The following FBXO21 variants were observed in gnomAD, a reference collection of about 807,000 sequenced individuals.
The protein encoded by FBXO21 is F-box only protein 21.
In FBXO21, 32 loss-of-function variants were observed where a neutral mutation model predicts 76.6. The observed-to-expected ratio is 0.42, with a 90% CI of 0.32 to 0.56. FBXO21 has a LOEUF of 0.56. Ranked by LOEUF, FBXO21 falls within the 20% of genes least tolerant of loss-of-function variation. The pLI is 0.16. For missense variants in FBXO21, 586 were observed against 797.3 expected, an observed-to-expected ratio of 0.73 and a Z score of 3.19; for synonymous variants, 328 against 311.5, an observed-to-expected ratio of 1.05 and a Z score of -0.56.
intron 3 of FBXO21, among the ~76,000 whole-genome samples, chr12:117,184,213 A>G (rs951731788): frequency 6.6e-6 from 1 of 151,304 alleles, no homozygotes; most frequent in African/African-American, 2.4e-5. Flanking sequence ...CCTGCTCACC[A>G]CCCCCAACAA....
chr12:117,188,336 G>C (rs952185190), intron 2 of FBXO21, among the ~76,000 whole-genome samples: 1 of 152,150 alleles, frequency 6.6e-6, no homozygotes, highest in Admixed American at 6.5e-5. Context: ...CTTGAGACCA[G>C]GTGTTCAAGA....
intron 8 of FBXO21, among the ~76,000 whole-genome samples, chr12:117,165,987 C>A (rs1165377949): frequency 1.3e-5 from 2 of 152,002 alleles, no homozygotes; most frequent in Non-Finnish European, 2.9e-5. Context: ...GTTGGGAGTT[C>A]AAGACCAGCC....
At chr12:117,161,642 C>T (rs1439352784) in intron 9 of FBXO21, among the ~76,000 whole-genome samples, 9 of 152,124 alleles carry the variant, frequency 5.9e-5, no homozygotes, top group South Asian at 2.1e-4. Flanking sequence ...GACAGAGTCA[C>T]GTGCAGGGGT....
chr12:117,149,826 G>T (rs1955818895), intron 11 of FBXO21, among the ~76,000 whole-genome samples: 1 of 152,200 alleles, frequency 6.6e-6, no homozygotes, highest in Non-Finnish European at 1.5e-5. Flanking sequence ...GAAAGAAGCG[G>T]AAACTCAGGT....
At position 117,143,568 on chromosome 12, in the gene FBXO21, C is replaced by T. The variant is rs1356766754; in HGVS notation, c.*2519G>A. The T allele has an allele frequency of 6.6e-6, 1 of 152,226 alleles. No individual in the cohort carries two copies. The highest frequency in any genetic ancestry group is 1.5e-5 in the Non-Finnish European group (1 of 68,048). The allele number at this position is 152,226 out of a possible 1,614,324, so 9.4% of individuals were successfully genotyped here. On this transcript the variant is annotated 3_prime_UTR_variant, in exon 12 of 12. Transcript: ENST00000622495. ...AGAAAGTGCAATCTTTGCATGACAACCAGATAATTCTCAAAGGTTACTAGT... is the reference window on the plus strand; with the variant it reads ...AGAAAGTGCAATCTTTGCATGACAATCAGATAATTCTCAAAGGTTACTAGT...
At chr12:117,161,560 G>A (rs1054489648) in intron 9 of FBXO21, among the ~76,000 whole-genome samples, 1 of 152,188 alleles carries the variant, frequency 6.6e-6, no homozygotes, top group African/African-American at 2.4e-5. Flanking sequence ...GGGAGGACAA[G>A]CAGGAGGCCA....
intron 7 of FBXO21, 50 bp downstream of exon 7, chr12:117,172,421 C>G: frequency 6.3e-7 from 1 of 1,589,908 alleles, no homozygotes; most frequent in Non-Finnish European, 8.6e-7. Context: ...CCTCTCAGCA[C>G]AGAGGGACCA....
At chr12:117,152,752 G>A (rs183459192) in intron 11 of FBXO21, among the ~76,000 whole-genome samples, 8 of 152,100 alleles carry the variant, frequency 5.3e-5, no homozygotes, top group Admixed American at 2.0e-4. Flanking sequence ...GTTATGCAGA[G>A]GAATCTCCTT....
Position 117,190,234 on chromosome 12 carries a change from C to T in FBXO21, c.223G>A (p.Glu75Lys), listed in dbSNP as rs751791562. 6 of 1,531,118 alleles carry T rather than the reference C, an allele frequency of 3.9e-6. No individual in the cohort carries two copies. In the South Asian group the frequency reaches 4.8e-5, roughly 12 times the overall value. The allele number at this position is 1,531,118 out of a possible 1,614,324, so 94.8% of individuals were successfully genotyped here. A position where few individuals can be genotyped will look rare whatever the true frequency, so the allele number is the denominator to read the frequency against. ...LCQSSGKVWK[E>K]QFRVRWPSLM... is the part of the protein sequence containing the mutation. The stretch of plus-strand genomic sequence containing the variant: ...CTGGCTCACCTCACCCGGAACTGCT[C>T]CTTCCACACCTTCCCGCTGCTCTGG... Residue 75 changes from glutamate (E) to lysine (K), a missense_variant, in exon 1 of 12, where the codon GAG becomes AAG. Glu to Lys is a moderately conservative substitution (Grantham distance 56, BLOSUM62 1). Coordinates refer to ENST00000622495, the MANE Select transcript of FBXO21 (RefSeq NM_015002.3).
At chr12:117,179,007 C>T (rs1169236804) in intron 3 of FBXO21, among the ~76,000 whole-genome samples, 1 of 152,066 alleles carries the variant, frequency 6.6e-6, no homozygotes, top group Non-Finnish European at 1.5e-5. Context: ...AAATTCTTCA[C>T]CACATATCCC....
intron 11 of FBXO21, among the ~76,000 whole-genome samples, chr12:117,151,395 A>G (rs866482352): frequency 6.6e-6 from 1 of 152,176 alleles, no homozygotes; most frequent in South Asian, 2.1e-4. Flanking sequence ...GTACAAACTA[A>G]AACTATTTGA....
At chr12:117,172,259 C>T (rs1592887682) in intron 7 of FBXO21, among the ~76,000 whole-genome samples, 1 of 152,148 alleles carries the variant, frequency 6.6e-6, no homozygotes, top group African/African-American at 2.4e-5. Context: ...TTCCCAGTCT[C>T]CCCTGATGGT....
intron 8 of FBXO21, among the ~76,000 whole-genome samples, chr12:117,165,886 A>G (rs1956048251): frequency 1.3e-5 from 2 of 152,218 alleles, no homozygotes; most frequent in South Asian, 2.1e-4. Flanking sequence ...AACACTGTAC[A>G]TAATTAAAAA....
rs1956120245 is a variant in FBXO21 at position 117,171,752 on chromosome 12, A to C, written c.1013+719T>G. 2.0e-5 allele frequency among the ~76,000 whole-genome samples: 3 copies of C among 152,224 alleles called. 1 individual carries two copies. The South Asian group carries it at 6.2e-4, about 31-fold the overall frequency. On this transcript the variant is annotated intron_variant, in intron 7 of 11. Coordinates refer to ENST00000622495, the MANE Select transcript of FBXO21 (RefSeq NM_015002.3). ...GTTAATCATTAAGACAGAGTTTCAA[A>C]GATCAGGACATAGGTAAATAACTTT...
In FBXO21 at chr12:117,172,625, C is replaced by A. The variant is rs142755416; in HGVS notation, c.877-18G>T. 4.4e-6 allele frequency: 7 copies of A among 1,607,608 alleles called. No individual in the cohort carries two copies. Among genetic ancestry groups the A allele is most frequent in the Non-Finnish European group, 6.0e-6 (7 of 1,174,782 alleles). On this transcript the variant is annotated intron_variant, in intron 6 of 11. Coordinates refer to ENST00000622495, the MANE Select transcript of FBXO21 (RefSeq NM_015002.3). Reference sequence around the variant, plus strand: ...ATCAAAACCTAAAGCAGAAAAAATGCTTTTATTTCACTGGGATGAACTATA... The same window carrying A: ...ATCAAAACCTAAAGCAGAAAAAATGATTTTATTTCACTGGGATGAACTATA...
chr12:117,143,016 A>T lies in FBXO21; in HGVS notation c.*3071T>A, dbSNP rs1955732008. 2.0e-5 allele frequency: 3 copies of T among 152,258 alleles called. No homozygotes were observed. Among genetic ancestry groups the T allele is most frequent in the South Asian group, 4.1e-4 (2 of 4,822 alleles). 9.4% of individuals were successfully genotyped at this position (152,258 alleles called of 1,614,324 possible). ...CTGTGTAAACGCGCTTATAATGGGGATCTGTTATGAGTCTCAGGCAGGCGA... is the reference window on the plus strand; with the variant it reads ...CTGTGTAAACGCGCTTATAATGGGGTTCTGTTATGAGTCTCAGGCAGGCGA... On this transcript the variant is annotated 3_prime_UTR_variant, in exon 12 of 12. Transcript: ENST00000622495.
Position 117,145,916 on chromosome 12 carries a change from C to T in FBXO21, c.*171G>A, listed in dbSNP as rs1208322631. 2 of 507,088 alleles carry T rather than the reference C, an allele frequency of 3.9e-6. No individual in the cohort carries two copies. Among genetic ancestry groups the T allele is most frequent in the Non-Finnish European group, 6.9e-6 (2 of 290,280 alleles). 31.4% of individuals were successfully genotyped at this position (507,088 alleles called of 1,614,324 possible). Reference sequence around the variant, plus strand: ...GCGGAGAGCAACATTGTCTTTGCAGCTGGGGAAGAGCACACGGTATTTAAA... The same window carrying T: ...GCGGAGAGCAACATTGTCTTTGCAGTTGGGGAAGAGCACACGGTATTTAAA... On this transcript the variant is annotated 3_prime_UTR_variant, in exon 12 of 12. Transcript: ENST00000622495.
At position 117,142,585 on chromosome 12, in the gene FBXO21, C is replaced by T. The variant is rs1222424917; in HGVS notation, c.*3502G>A. The T allele has an allele frequency of 2.0e-5, 3 of 149,306 alleles. No individual in the cohort carries two copies. In the Admixed American group the frequency reaches 2.0e-4, roughly 10 times the overall value. The allele number at this position is 149,306 out of a possible 1,614,324, so 9.2% of individuals were successfully genotyped here. A position where few individuals can be genotyped will look rare whatever the true frequency, so the allele number is the denominator to read the frequency against. On this transcript the variant is annotated 3_prime_UTR_variant, in exon 12 of 12. Coordinates refer to ENST00000622495, the MANE Select transcript of FBXO21 (RefSeq NM_015002.3). ...AGTTAGCATGCCACACAAAATAATACGTACAGTACAGCTATTCACGTCTCC... is the reference window on the plus strand; with the variant it reads ...AGTTAGCATGCCACACAAAATAATATGTACAGTACAGCTATTCACGTCTCC...
At chr12:117,179,533 G>A (rs1173375174) in intron 3 of FBXO21, among the ~76,000 whole-genome samples, 1 of 151,958 alleles carries the variant, frequency 6.6e-6, no homozygotes, top group Non-Finnish European at 1.5e-5. Context: ...GAAATTTGCT[G>A]ACTGTACCCA....
Sources: allele counts gnomAD v4.1 joint callset (sites outside exome capture counted in the v4.1 genomes callset), GRCh38; gene constraint gnomAD v4.1.1; transcripts MANE v1.5; gene names NCBI Gene and HGNC (gene_info 2026-07-23, HGNC 2026-07-21).